The following DMRTA1 variants were observed in gnomAD, a reference collection of about 807,000 sequenced individuals.
DMRTA1 encodes the protein doublesex- and mab-3-related transcription factor A1.
In DMRTA1, 34 loss-of-function variants were observed where a neutral mutation model predicts 35.2. The ratio of observed to expected loss-of-function variants is 0.97; its 90% CI spans 0.74 to 1.29. The LOEUF is 1.29. Among genes scored for constraint, DMRTA1 ranks in the 50% most tolerant of loss-of-function variants. The pLI, the probability that DMRTA1 is intolerant of heterozygous loss-of-function variation, is 0.00. For missense variants in DMRTA1, 824 were observed against 644.6 expected, an observed-to-expected ratio of 1.28 and a Z score of -3.01; for synonymous variants, 344 against 276.6, an observed-to-expected ratio of 1.24 and a Z score of -2.42.
At chr9:22,447,759 GC>G in intron 1 of DMRTA1, 27 bp downstream of exon 1, 2 of 1,611,932 alleles carry the variant, frequency 1.2e-6, no homozygotes, top group Non-Finnish European at 1.7e-6. Context: ...TTTACTCTTT[GC>G]TCAAGGAATG....
chr9:22,451,994 T>A lies in DMRTA1; in HGVS notation c.*83T>A. 1.3e-6 allele frequency: 2 copies of A among 1,511,858 alleles called. No homozygotes were observed. Among genetic ancestry groups the A allele is most frequent in the East Asian group, 4.6e-5 (2 of 43,770 alleles). The allele number at this position is 1,511,858 out of a possible 1,614,324, so 93.7% of individuals were successfully genotyped here. A position where few individuals can be genotyped will look rare whatever the true frequency, so the allele number is the denominator to read the frequency against. ...ACACACATACACACACATCCATTAA[T>A]ATACTTCAGTAAGTATGTGAGTGGA... On this transcript the variant is annotated 3_prime_UTR_variant, in exon 2 of 2. Transcript: ENST00000325870.
Position 22,451,350 on chromosome 9 carries a change from C to G in DMRTA1, c.954C>G (p.Ser318Arg), listed in dbSNP as rs202197256. 343 of 1,614,096 alleles carry G rather than the reference C, an allele frequency of 2.1e-4. 1 individual carries two copies. The highest frequency in any genetic ancestry group is 2.8e-4 in the Non-Finnish European group (328 of 1,179,980). ...WVKDLTATKA[S>R]LPTVSSRPRD... ...AAGACTTGACTGCGACCAAGGCAAG[C>G]CTTCCGACAGTGTCCTCAAGACCAA... The change falls in exon 2 of 2, where the codon AGC becomes AGG. Residue 318 changes from serine to arginine, a missense_variant. Transcript: ENST00000325870.
chr9:22,447,569 C>A lies in DMRTA1; in HGVS notation c.504C>A (p.Pro168=), dbSNP rs766595649. ...TGTGCTCGGGGCTCTCCTGGCCCCC[C>A]GGTGGTCGGGCATCCGGGGGCGGCG... ...RLLCSGLSWP[P]GGRASGGGGR... is the part of the protein sequence containing the mutation. The change falls in exon 1 of 2, where the codon CCC becomes CCA. Residue 168 remains proline, a synonymous_variant. Coordinates refer to ENST00000325870, the MANE Select transcript of DMRTA1 (RefSeq NM_022160.3). 4 of 1,597,562 alleles carry A rather than the reference C, an allele frequency of 2.5e-6. No homozygotes were observed. The South Asian group carries it at 3.3e-5, about 13-fold the overall frequency.
intron 1 of DMRTA1, 133 bp downstream of exon 1, chr9:22,447,865 C>G (rs1300859207): frequency 4.7e-6 from 5 of 1,056,338 alleles, no homozygotes; most frequent in Non-Finnish European, 6.9e-6. Context: ...TGGGGAACTG[C>G]TCAGCAATAT....
chr9:22,449,016 G>A (rs887107279), intron 1 of DMRTA1, among the ~76,000 whole-genome samples: 1 of 152,222 alleles, frequency 6.6e-6, no homozygotes, highest in Non-Finnish European at 1.5e-5. Flanking sequence ...ACATCTCCCT[G>A]TGAGACACTG....
chr9:22,448,536 A>AACTT (rs1818873525), intron 1 of DMRTA1, among the ~76,000 whole-genome samples: 2 of 151,942 alleles, frequency 1.3e-5, no homozygotes, highest in South Asian at 4.1e-4. Context: ...CTGCGTTAGG[A>AACTT]GATATATTTT....
intron 1 of DMRTA1, among the ~76,000 whole-genome samples, chr9:22,448,601 AT>A (rs148979118): frequency 3.4e-4 from 51 of 150,350 alleles, no homozygotes; most frequent in African/African-American, 1.1e-3. Context: ...TATCATTGTG[AT>A]TTTTTTTTTG....
rs963711624 is a variant in DMRTA1 at position 22,454,162 on chromosome 9, G to C, written c.*2251G>C. 2 of 151,942 alleles carry C rather than the reference G, an allele frequency of 1.3e-5. No homozygotes were observed. The highest frequency in any genetic ancestry group is 2.4e-5 in the African/African-American group (1 of 41,396). The allele number at this position is 151,942 out of a possible 1,614,324, so 9.4% of individuals were successfully genotyped here. A position where few individuals can be genotyped will look rare whatever the true frequency, so the allele number is the denominator to read the frequency against. Reference sequence around the variant, plus strand: ...TGTCTAACAACTCAGTAGTATATGAGGAAATTGGGGCTCAGCAGTAGGGTT... The same window carrying C: ...TGTCTAACAACTCAGTAGTATATGACGAAATTGGGGCTCAGCAGTAGGGTT... On this transcript the variant is annotated 3_prime_UTR_variant, in exon 2 of 2. Transcript: ENST00000325870.
chr9:22,453,530 T>G lies in DMRTA1; in HGVS notation c.*1619T>G, dbSNP rs1818962568. 1 of 152,106 alleles carries G rather than the reference T, an allele frequency of 6.6e-6. No homozygotes were observed. The highest frequency in any genetic ancestry group is 1.5e-5 in the Non-Finnish European group (1 of 67,952). 9.4% of individuals were successfully genotyped at this position (152,106 alleles called of 1,614,324 possible). On this transcript the variant is annotated 3_prime_UTR_variant, in exon 2 of 2. Coordinates refer to ENST00000325870, the MANE Select transcript of DMRTA1 (RefSeq NM_022160.3). The stretch of plus-strand genomic sequence containing the variant: ...GAAAGCAGATCTTGAAAAATTTCGA[T>G]GTACTCAATATTCATTTATTATAAA...
rs989362670 is a variant in DMRTA1, at chr9:22,447,689, C to A, written c.624C>A (p.Pro208=). Residue 208 remains proline, a synonymous_variant, in exon 1 of 2, where the codon CCC becomes CCA. Transcript: ENST00000325870. ...ALRQASGSAT[P]AFEVFQQDYP... is the part of the protein sequence containing the mutation. ...GACAGGCCAGTGGTTCCGCGACCCC[C>A]GCTTTCGAAGTTTTCCAGCAAGATT... 3 of 1,613,146 alleles carry A rather than the reference C, an allele frequency of 1.9e-6. No individual in the cohort carries two copies. The highest frequency in any genetic ancestry group is 1.1e-5 in the South Asian group (1 of 91,084).
At chr9:22,450,623 C>G (rs1454563953) in intron 1 of DMRTA1, among the ~76,000 whole-genome samples, 2 of 151,946 alleles carry the variant, frequency 1.3e-5, no homozygotes, top group African/African-American at 4.8e-5. Flanking sequence ...TCCTTTTATT[C>G]CTTATTCATT....
At position 22,451,223 on chromosome 9, in the gene DMRTA1, G is replaced by A. The variant is rs773362908; in HGVS notation, c.827G>A (p.Ser276Asn). The change falls in exon 2 of 2, where the codon AGT becomes AAT. Residue 276 changes from serine to asparagine, a missense_variant. Ser to Asn is a conservative substitution (Grantham distance 46). Transcript: ENST00000325870. ...SISEYSNKPDSILSPHPGEQS... is the reference protein window; with the variant it reads ...SISEYSNKPDNILSPHPGEQS... The stretch of plus-strand genomic sequence containing the variant: ...TCAGAATACTCCAACAAGCCTGATA[G>A]TATCCTGTCTCCTCATCCTGGAGAG... 6.2e-7 allele frequency: 1 copy of A among 1,614,078 alleles called. No individual in the cohort carries two copies. Among genetic ancestry groups the A allele is most frequent in the Non-Finnish European group, 8.5e-7 (1 of 1,179,960 alleles).
intron 1 of DMRTA1, among the ~76,000 whole-genome samples, chr9:22,450,026 A>G (rs576328056): frequency 6.6e-6 from 1 of 152,270 alleles, no homozygotes; most frequent in Admixed American, 6.5e-5. Context: ...CTCTAGGGTA[A>G]TAGAAAATGT....
At position 22,451,804 on chromosome 9, in the gene DMRTA1, T is replaced by C; in HGVS notation, c.1408T>C (p.Leu470=). Reference sequence around the variant, plus strand: ...ACCAACCTTACCTTTTCGGCCAGCTTTGGATTATGCCTTTTCAGGGATGAT... The same window carrying C: ...ACCAACCTTACCTTTTCGGCCAGCTCTGGATTATGCCTTTTCAGGGATGAT... ...LVPTLPFRPA[L]DYAFSGMIRD... The change falls in exon 2 of 2, where the codon TTG becomes CTG. Residue 470 remains leucine, a synonymous_variant. Coordinates refer to ENST00000325870, the MANE Select transcript of DMRTA1 (RefSeq NM_022160.3). 1 of 1,614,076 alleles carries C rather than the reference T, an allele frequency of 6.2e-7. No homozygotes were observed. The highest frequency in any genetic ancestry group is 1.3e-5 in the African/African-American group (1 of 75,048).
rs1205122533 is a variant in DMRTA1 at position 22,451,922 on chromosome 9, C to T, written c.*11C>T. ...CAGGACAATCCGTAATGTATATGCC[C>T]ATTCTCTCTTTCTGGAGTTTTTCCA... On this transcript the variant is annotated 3_prime_UTR_variant, in exon 2 of 2. Transcript: ENST00000325870. The T allele has an allele frequency of 6.2e-7, 1 of 1,611,918 alleles. No individual in the cohort carries two copies. Among genetic ancestry groups the T allele is most frequent in the Non-Finnish European group, 8.5e-7 (1 of 1,178,512 alleles).
rs1379491319 is a variant in DMRTA1 at position 22,447,069 on chromosome 9, G to A, written c.4G>A (p.Glu2Lys). The A allele has an allele frequency of 1.9e-6, 3 of 1,608,268 alleles. No individual in the cohort carries two copies. Among genetic ancestry groups the A allele is most frequent in the Non-Finnish European group, 2.5e-6 (3 of 1,178,024 alleles). Residue 2 changes from glutamate (E) to lysine (K), a missense_variant, in exon 1 of 2, where the codon GAG becomes AAG. Glu to Lys is a moderately conservative substitution (Grantham distance 56). Coordinates refer to ENST00000325870, the MANE Select transcript of DMRTA1 (RefSeq NM_022160.3). The part of the protein sequence containing the change: M[E>K]RSQCGSRDRG... ...CCCGGCCAGAAATTTCTCGGGAATG[G>A]AGCGGTCACAGTGTGGCAGCAGAGA...
chr9:22,450,627 A>G (rs1001669298), intron 1 of DMRTA1, among the ~76,000 whole-genome samples: 21 of 152,130 alleles, frequency 1.4e-4, no homozygotes, highest in African/African-American at 4.8e-4. Flanking sequence ...TTTATTCCTT[A>G]TTCATTTTAT....
At position 22,447,159 on chromosome 9, in the gene DMRTA1, T is replaced by C. The variant is rs766471458; in HGVS notation, c.94T>C (p.Ser32Pro). The C allele has an allele frequency of 8.4e-5, 135 of 1,601,048 alleles. No homozygotes were observed. The highest frequency in any genetic ancestry group is 1.9e-5 in the Non-Finnish European group (22 of 1,175,168). ...AGTGGTGGCTGCCCCTCCGCCCCCG[T>C]CCCCGGCGTTGCCGGTACCATCGGG... ...GLVVAAPPPP[S>P]PALPVPSGMQ... Residue 32 changes from serine to proline, a missense_variant, in exon 1 of 2, where the codon TCC becomes CCC. Ser to Pro is a moderately conservative substitution (Grantham distance 74). Transcript: ENST00000325870.
At position 22,451,802 on chromosome 9, in the gene DMRTA1, C is replaced by G. The variant is rs745624147; in HGVS notation, c.1406C>G (p.Ala469Gly). The G allele has an allele frequency of 6.2e-7, 1 of 1,613,932 alleles. No individual in the cohort carries two copies. The highest frequency in any genetic ancestry group is 8.5e-7 in the Non-Finnish European group (1 of 1,179,934). Residue 469 changes from alanine (A) to glycine (G), a missense_variant, in exon 2 of 2, where the codon GCT (alanine) becomes GGT (glycine). Physicochemically the swap from Ala to Gly is moderately conservative, Grantham distance 60. Coordinates refer to ENST00000325870, the MANE Select transcript of DMRTA1 (RefSeq NM_022160.3). Reference protein sequence around the residue: ...GLVPTLPFRPALDYAFSGMIR... With the variant: ...GLVPTLPFRPGLDYAFSGMIR... Reference sequence around the variant, plus strand: ...GTACCAACCTTACCTTTTCGGCCAGCTTTGGATTATGCCTTTTCAGGGATG... The same window carrying G: ...GTACCAACCTTACCTTTTCGGCCAGGTTTGGATTATGCCTTTTCAGGGATG...
Sources: gnomAD v4.1 joint callset for allele counts (sites outside exome capture counted in the v4.1 genomes callset) on GRCh38, gnomAD v4.1.1 for gene constraint, MANE v1.5 for transcripts, NCBI Gene and HGNC (gene_info 2026-07-23, HGNC 2026-07-21) for gene names.